TTC17: variants seen among roughly 807,000 people sequenced by gnomAD.
TTC17 encodes the protein tetratricopeptide repeat domain 17.
A neutral mutation model predicts 143.8 loss-of-function variants in TTC17; 58 were observed. That is an observed-to-expected ratio of 0.40 (90% confidence interval 0.33 to 0.50). The LOEUF is 0.50. Among genes scored for constraint, TTC17 ranks in the 20% least tolerant of loss-of-function variants. The pLI is 0.49. For missense variants in TTC17, 1,273 were observed against 1,392.5 expected, an observed-to-expected ratio of 0.91 and a Z score of 1.37; for synonymous variants, 501 against 497.8, an observed-to-expected ratio of 1.01 and a Z score of -0.09.
At chr11:43,367,485 G>GA (rs1665072202) in intron 1 of TTC17, among the ~76,000 whole-genome samples, 1 of 152,182 alleles carries the variant, frequency 6.6e-6, no homozygotes, top group East Asian at 1.9e-4. Flanking sequence ...TGTTGAGGAG[G>GA]GATTAGAACC....
At chr11:43,441,733 C>A (rs1458995212) in intron 16 of TTC17, among the ~76,000 whole-genome samples, 5 of 152,166 alleles carry the variant, frequency 3.3e-5, no homozygotes, top group Non-Finnish European at 5.9e-5. Flanking sequence ...TGGCTACCAG[C>A]AACAGAAGCC....
At position 43,397,928 on chromosome 11, in the gene TTC17, G is replaced by GTA. The variant is rs765060952; in HGVS notation, c.919-45_919-44insAT. The GTA allele has an allele frequency of 8.3e-6, 11 of 1,332,490 alleles. No individual in the cohort carries two copies. The East Asian group carries it at 2.4e-4, about 29-fold the overall frequency. 82.5% of individuals were successfully genotyped at this position (1,332,490 alleles called of 1,614,324 possible). A position where few individuals can be genotyped will look rare whatever the true frequency, so the allele number is the denominator to read the frequency against. Reference sequence around the variant, plus strand: ...TGTGTGTGTGTGTGTGTGTGTGTGTGTGTGTGTGTGTGTGTGTGTGTGTAT... The same window carrying GTA: ...TGTGTGTGTGTGTGTGTGTGTGTGTGTATGTGTGTGTGTGTGTGTGTGTGTAT... On this transcript the variant is annotated intron_variant, in intron 7 of 23. Coordinates refer to ENST00000039989, the MANE Select transcript of TTC17 (RefSeq NM_018259.6).
At chr11:43,478,592 A>T (rs55931860) in intron 21 of TTC17, among the ~76,000 whole-genome samples, 2 of 151,946 alleles carry the variant, frequency 1.3e-5, no homozygotes, top group Non-Finnish European at 2.9e-5. Flanking sequence ...AGGGTTCATT[A>T]TATTGTTTTA....
At chr11:43,449,952 G>A in intron 19 of TTC17, 130 bp from the exon 20 acceptor site, 4 of 1,013,236 alleles carry the variant, frequency 3.9e-6, no homozygotes, top group East Asian at 5.3e-5. Flanking sequence ...TAAAATCAGG[G>A]GATAGCATGT....
intron 21 of TTC17, among the ~76,000 whole-genome samples, chr11:43,488,515 T>C (rs933069526): frequency 2.0e-5 from 3 of 151,246 alleles, no homozygotes; most frequent in South Asian, 2.1e-4. Context: ...AGGTAGTATC[T>C]CAGTGGGGAG....
rs1260231856 is a variant in TTC17, at chr11:43,451,190, A to C, written c.2955A>C (p.Gln985His). 4 of 1,613,230 alleles carry C rather than the reference A, an allele frequency of 2.5e-6. No homozygotes were observed. The highest frequency in any genetic ancestry group is 3.4e-6 in the Non-Finnish European group (4 of 1,179,388). Residue 985 changes from glutamine to histidine, a missense_variant, in exon 21 of 24, where the codon CAA (glutamine) becomes CAC (histidine). Around this residue, in one of 3 missense-constraint regions of TTC17, gnomAD observed 878 missense variants for 899.8 expected, o/e 0.98. Coordinates refer to ENST00000039989, the MANE Select transcript of TTC17 (RefSeq NM_018259.6). ...ATCTTCCTTCCTTCCAGGTATTACA[A>C]AATCTCGGCAAAGACCAATATCCAC... is the stretch of plus-strand genomic sequence containing the variant. The part of the protein sequence containing the change: ...TGESQLTEVL[Q>H]NLGKDQYPQQ...
intron 3 of TTC17, 124 bp downstream of exon 3, chr11:43,389,945 A>G (rs1857313521): frequency 1.3e-6 from 1 of 755,012 alleles, no homozygotes; most frequent in Non-Finnish European, 2.1e-6. Flanking sequence ...GAATTTGAAA[A>G]TTCAAAATAC....
intron 21 of TTC17, chr11:43,486,333 C>A: frequency 2.5e-6 from 1 of 403,454 alleles, no homozygotes; most frequent in Admixed American, 2.5e-5. Flanking sequence ...GGATGTGAAT[C>A]ATCGTGTAGA....
intron 15 of TTC17, among the ~76,000 whole-genome samples, chr11:43,411,525 A>G (rs1285671714): frequency 2.0e-5 from 3 of 151,834 alleles, no homozygotes; most frequent in Admixed American, 6.6e-5. Context: ...TGTAAGGTCT[A>G]TGAAGGCAGC....
At chr11:43,480,127 T>G (rs1015327774) in intron 21 of TTC17, among the ~76,000 whole-genome samples, 1 of 152,190 alleles carries the variant, frequency 6.6e-6, no homozygotes, top group African/African-American at 2.4e-5. Context: ...CAAAGCAGAT[T>G]TGGACCTGAA....
chr11:43,360,763 A>T (rs1565124381), intron 1 of TTC17, among the ~76,000 whole-genome samples: 1 of 150,286 alleles, frequency 6.7e-6, no homozygotes, highest in African/African-American at 2.5e-5. Flanking sequence ...ATACATATGT[A>T]TTAATGGGGG....
At chr11:43,457,933 A>G (rs1378631447) in intron 21 of TTC17, among the ~76,000 whole-genome samples, 1 of 152,144 alleles carries the variant, frequency 6.6e-6, no homozygotes, top group African/African-American at 2.4e-5. Flanking sequence ...AATGGATGAA[A>G]GGTAGCCTAC....
At chr11:43,436,114 T>C in intron 16 of TTC17, 2 of 1,262,918 alleles carry the variant, frequency 1.6e-6, no homozygotes, top group East Asian at 5.9e-5. Flanking sequence ...ACTGTAGTAC[T>C]ACACGAGAGA....
Position 43,440,997 on chromosome 11 carries a change from G to A in TTC17, c.2252-2328G>A, listed in dbSNP as rs528763412. Among the ~76,000 whole-genome samples the A allele has an allele frequency of 2.6e-5, 4 of 151,880 alleles. No individual in the cohort carries two copies. In the East Asian group the frequency reaches 7.7e-4, roughly 29 times the overall value. ...AATTGTTAACTCTGGAAGGCTGGAT[G>A]CAGTAGCTCACACCTGAATCCAAGC... On this transcript the variant is annotated intron_variant, in intron 16 of 23. Transcript: ENST00000039989.
At chr11:43,359,595 C>T (rs557218970) in intron 1 of TTC17, among the ~76,000 whole-genome samples, 30 of 152,316 alleles carry the variant, frequency 2.0e-4, no homozygotes, top group African/African-American at 6.3e-4. Flanking sequence ...CCCCTAGTCT[C>T]GTCTACCACA....
At chr11:43,391,714 A>C (rs1590344465) in intron 4 of TTC17, 107 bp from the exon 5 acceptor site, 3 of 1,432,648 alleles carry the variant, frequency 2.1e-6, no homozygotes, top group Non-Finnish European at 2.8e-6. Context: ...CTTATTTCTT[A>C]AAATTCCAAA....
intron 15 of TTC17, among the ~76,000 whole-genome samples, chr11:43,412,223 C>T (rs1858446638): frequency 6.6e-6 from 1 of 152,130 alleles, no homozygotes; most frequent in Admixed American, 6.6e-5. Flanking sequence ...GTGGCTCACA[C>T]CTGTGATCTC....
At chr11:43,383,397 G>C (rs779937940) in intron 2 of TTC17, among the ~76,000 whole-genome samples, 2 of 152,080 alleles carry the variant, frequency 1.3e-5, no homozygotes, top group African/African-American at 2.4e-5. Context: ...TGTCCCCCAG[G>C]CTGGGGTGCG....
intron 5 of TTC17, chr11:43,396,195 ATACT>A (rs1224655642): frequency 6.7e-6 from 1 of 148,910 alleles, no homozygotes; most frequent in African/African-American, 2.5e-5. Context: ...CACATTTTAC[ATACT>A]TCTTAGCTGT....
Sources: allele counts gnomAD v4.1 joint callset (sites outside exome capture counted in the v4.1 genomes callset), GRCh38; gene constraint gnomAD v4.1.1; regional missense constraint gnomAD v4.1.1; transcripts MANE v1.5; gene names NCBI Gene and HGNC (gene_info 2026-07-23, HGNC 2026-07-21).